ZBTB20: variants seen among roughly 807,000 people sequenced by gnomAD.
ZBTB20 encodes zinc finger and BTB domain containing 20, also known as zinc finger and BTB domain-containing protein 20.
In ZBTB20, 9 loss-of-function variants were observed where a neutral mutation model predicts 56.9. The observed-to-expected ratio is 0.16, with a 90% CI of 0.10 to 0.28. The LOEUF (loss-of-function observed/expected upper bound fraction) is 0.28. Among genes scored for constraint, ZBTB20 ranks in the 10% least tolerant of loss-of-function variants. ZBTB20 has a pLI of 1.00. For synonymous variants in ZBTB20, 417 were observed against 420.7 expected (o/e 0.99, Z 0.11); for missense variants, 655 against 1,003.0 (o/e 0.65, Z 4.69).
At chr3:114,429,438 G>A (rs2089957628) in intron 7 of ZBTB20, among the ~76,000 whole-genome samples, 1 of 152,144 alleles carries the variant, frequency 6.6e-6, no homozygotes, top group South Asian at 2.1e-4. Context: ...GCTATTCGGT[G>A]CATTTGGATG....
At chr3:114,426,705 T>C (rs1014086927) in intron 7 of ZBTB20, among the ~76,000 whole-genome samples, 1 of 152,212 alleles carries the variant, frequency 6.6e-6, no homozygotes, top group Non-Finnish European at 1.5e-5. Context: ...GATGATAACT[T>C]AAACCTCACT....
rs780666896 is a variant in ZBTB20 at position 114,320,405 on chromosome 3, G to A, written c.*18600C>T. 1 of 152,092 alleles carries A rather than the reference G, an allele frequency of 6.6e-6. No individual in the cohort carries two copies. Among genetic ancestry groups the A allele is most frequent in the Non-Finnish European group, 1.5e-5 (1 of 68,020 alleles). 9.4% of individuals were successfully genotyped at this position (152,092 alleles called of 1,614,324 possible). A position where few individuals can be genotyped will look rare whatever the true frequency, so the allele number is the denominator to read the frequency against. ...CAAAAGTACAATACAATAGAATCAG[G>A]CATTGCCAAGAATAGCATGATGTGC... On this transcript the variant is annotated 3_prime_UTR_variant, in exon 12 of 12. Coordinates refer to ENST00000675478, the MANE Select transcript of ZBTB20 (RefSeq NM_001348800.3).
chr3:114,521,574 G>A (rs2109934627), intron 6 of ZBTB20, among the ~76,000 whole-genome samples: 1 of 152,142 alleles, frequency 6.6e-6, no homozygotes, highest in Admixed American at 6.6e-5. Flanking sequence ...CATTAGCTCA[G>A]AGCATCATTA....
intron 2 of ZBTB20, among the ~76,000 whole-genome samples, chr3:114,984,776 CTAATT>C (rs2078467641): frequency 6.6e-6 from 1 of 152,002 alleles, no homozygotes; most frequent in African/African-American, 2.4e-5. Flanking sequence ...AAACAAGGAG[CTAATT>C]TAATGTCCTG....
intron 5 of ZBTB20, among the ~76,000 whole-genome samples, chr3:114,731,269 A>G (rs2065726300): frequency 6.6e-6 from 1 of 152,166 alleles, no homozygotes; most frequent in Admixed American, 6.5e-5. Context: ...ATACCTGAAG[A>G]TGTTCCTATC....
chr3:114,400,288 ATC>A (rs1447248771), intron 7 of ZBTB20, among the ~76,000 whole-genome samples: 3 of 152,146 alleles, frequency 2.0e-5, no homozygotes, highest in African/African-American at 7.2e-5. Context: ...AAGCTGTAAA[ATC>A]TCTCTCTTGT....
chr3:114,703,374 T>G (rs935765030), intron 5 of ZBTB20, among the ~76,000 whole-genome samples: 1 of 152,152 alleles, frequency 6.6e-6, no homozygotes, highest in Non-Finnish European at 1.5e-5. Context: ...AAAGCAGGCT[T>G]TGTATTTGTA....
chr3:114,545,760 A>G (rs1339101764), intron 6 of ZBTB20, among the ~76,000 whole-genome samples: 1 of 152,170 alleles, frequency 6.6e-6, no homozygotes, highest in Non-Finnish European at 1.5e-5. Flanking sequence ...TTAGATCTGA[A>G]CCATCTTCAT....
chr3:114,455,028 A>AGGAAGAGAGAGGG (rs2091917438), intron 7 of ZBTB20, among the ~76,000 whole-genome samples: 1 of 140,480 alleles, frequency 7.1e-6, no homozygotes, highest in African/African-American at 2.6e-5. Flanking sequence ...ACTGAGAGAG[A>AGGAAGAGAGAGGG]GGAAGAGAGA....
At chr3:114,862,778 G>C (rs1453334003) in intron 4 of ZBTB20, among the ~76,000 whole-genome samples, 1 of 152,148 alleles carries the variant, frequency 6.6e-6, no homozygotes, top group South Asian at 2.1e-4. Context: ...AACACAACCT[G>C]TTTGTAAGTT....
At chr3:114,869,251 T>C (rs1399821989) in intron 4 of ZBTB20, among the ~76,000 whole-genome samples, 1 of 152,186 alleles carries the variant, frequency 6.6e-6, no homozygotes, top group African/African-American at 2.4e-5. Flanking sequence ...AATCTTGTTT[T>C]AAGTCTACTC....
chr3:114,318,168 G>A lies in ZBTB20; in HGVS notation c.*20837C>T, dbSNP rs2078759100. ...AAAAATATGGAAAAGCTATTGAACA[G>A]CCTTAGGGCACTGCCTCTCCATCTT... On this transcript the variant is annotated 3_prime_UTR_variant, in exon 12 of 12. Coordinates refer to ENST00000675478, the MANE Select transcript of ZBTB20 (RefSeq NM_001348800.3). 1 of 152,162 alleles carries A rather than the reference G, an allele frequency of 6.6e-6. No homozygotes were observed. The highest frequency in any genetic ancestry group is 1.5e-5 in the Non-Finnish European group (1 of 68,034). The allele number at this position is 152,162 out of a possible 1,614,324, so 9.4% of individuals were successfully genotyped here.
At chr3:114,352,947 T>G (rs1396837265) in intron 10 of ZBTB20, among the ~76,000 whole-genome samples, 1 of 152,186 alleles carries the variant, frequency 6.6e-6, no homozygotes, top group Non-Finnish European at 1.5e-5. Context: ...AGGCTGCGGA[T>G]AGCCTGACCC....
intron 2 of ZBTB20, among the ~76,000 whole-genome samples, chr3:115,022,938 TTATGCAAAACAC>T (rs1436313333): frequency 6.6e-6 from 1 of 150,964 alleles, no homozygotes; most frequent in African/African-American, 2.4e-5. Flanking sequence ...AGCACCTATA[TTATGCAAAACAC>T]TGTGCGAGAT....
intron 6 of ZBTB20, among the ~76,000 whole-genome samples, chr3:114,664,374 A>T (rs2060926393): frequency 6.6e-6 from 1 of 152,138 alleles, no homozygotes; most frequent in Non-Finnish European, 1.5e-5. Context: ...AGAGCCTGTA[A>T]ATATAACTGG....
chr3:114,816,747 C>CTT (rs2072944650), intron 4 of ZBTB20, among the ~76,000 whole-genome samples: 1 of 151,950 alleles, frequency 6.6e-6, no homozygotes, highest in Admixed American at 6.6e-5. Context: ...CATGTTAACT[C>CTT]TTTGTGAATA....
intron 6 of ZBTB20, among the ~76,000 whole-genome samples, chr3:114,588,418 T>C (rs577260340): frequency 2.2e-4 from 34 of 152,228 alleles, no homozygotes; most frequent in Admixed American, 1.3e-4. Flanking sequence ...ATGTGTGGAA[T>C]GGCTCCTTTC....
chr3:114,551,986 G>A (rs1159630896), intron 6 of ZBTB20, among the ~76,000 whole-genome samples: 1 of 152,218 alleles, frequency 6.6e-6, no homozygotes, highest in Non-Finnish European at 1.5e-5. Context: ...CATGTGGGGG[G>A]ATCACTTGAG....
At chr3:115,119,869 G>A (rs2084130789) in intron 1 of ZBTB20, among the ~76,000 whole-genome samples, 1 of 152,146 alleles carries the variant, frequency 6.6e-6, no homozygotes, top group Non-Finnish European at 1.5e-5. Context: ...GCTAATAAAA[G>A]TCAATAGATG....
Sources: allele counts gnomAD v4.1 joint callset (sites outside exome capture counted in the v4.1 genomes callset), GRCh38; gene constraint gnomAD v4.1.1; transcripts MANE v1.5; gene names NCBI Gene and HGNC (gene_info 2026-07-23, HGNC 2026-07-21).